Variants in DSG4 observed in about 807,000 individuals in gnomAD.
DSG4 encodes desmoglein 4, also known as desmoglein-4.
DSG4 carries 87 observed loss-of-function variants against 93.1 expected under a neutral mutation model. That is an observed-to-expected ratio of 0.93 (90% confidence interval 0.79 to 1.12). DSG4 has a LOEUF of 1.12. DSG4 is among the 50% of genes most tolerant of loss of function. The probability of loss-of-function intolerance (pLI) is 0.00; values close to 1 mark genes in which losing one functional copy is unlikely to be tolerated. For missense variants in DSG4, 1,373 were observed against 1,285.7 expected (o/e 1.07, Z -1.04); for synonymous variants, 432 against 452.9 (o/e 0.95, Z 0.59).
intron 8 of DSG4, 94 bp downstream of exon 8, chr18:31,392,434 A>G (rs2072260635): frequency 3.0e-6 from 4 of 1,342,726 alleles, no homozygotes; most frequent in Non-Finnish European, 2.1e-6. Flanking sequence ...CTTTAAAAAA[A>G]AGTACTTCAT....
At chr18:31,378,206 A>G (rs1026262103) in intron 1 of DSG4, among the ~76,000 whole-genome samples, 6 of 152,246 alleles carry the variant, frequency 3.9e-5, no homozygotes, top group African/African-American at 1.4e-4. Flanking sequence ...ACTTAAAAAC[A>G]TAAGACGAAG....
At chr18:31,385,511 AT>A (rs1286928251) in intron 2 of DSG4, among the ~76,000 whole-genome samples, 1 of 152,204 alleles carries the variant, frequency 6.6e-6, no homozygotes, top group Non-Finnish European at 1.5e-5. Context: ...CAGAAAGACA[AT>A]TAATGGTTCA....
chr18:31,380,888 A>G (rs1172311627), intron 1 of DSG4, among the ~76,000 whole-genome samples: 1 of 152,178 alleles, frequency 6.6e-6, no homozygotes, highest in Non-Finnish European at 1.5e-5. Flanking sequence ...TTATATGCTT[A>G]GAGTCTACAT....
chr18:31,410,982 A>T, intron 14 of DSG4: 1 of 1,096,036 alleles, frequency 9.1e-7, no homozygotes, highest in Non-Finnish European at 1.3e-6. Context: ...CTTTAAGTCT[A>T]GGGCGAAGTC....
intron 2 of DSG4, among the ~76,000 whole-genome samples, chr18:31,386,272 T>C (rs1415562230): frequency 6.6e-6 from 1 of 152,176 alleles, no homozygotes; most frequent in Non-Finnish European, 1.5e-5. Context: ...ACTTTTATGT[T>C]ATATGGGATG....
rs750686825 is a variant in DSG4, at chr18:31,392,305, C to T, written c.970C>T (p.Pro324Ser). ...GAATTGGTTCGATATTCAAACAGAT[C>T]CACAAACCAATGAAGGCATTTTGAA... ...DGNWFDIQTD[P>S]QTNEGILKVV... Residue 324 changes from proline (P) to serine (S), a missense_variant, in exon 8 of 16, where the codon CCA becomes TCA. Physicochemically the swap from Pro to Ser is moderately conservative, Grantham distance 74 (BLOSUM62 -1). Transcript: ENST00000308128. 1 of 1,613,648 alleles carries T rather than the reference C, an allele frequency of 6.2e-7. No individual in the cohort carries two copies. Among genetic ancestry groups the T allele is most frequent in the Non-Finnish European group, 8.5e-7 (1 of 1,179,800 alleles).
Position 31,403,595 on chromosome 18 carries a change from C to A in DSG4, c.1597C>A (p.Pro533Thr), listed in dbSNP as rs752343319. ...PFTFCVVDEP[P>T]GIADMWDVRS... ...TACTTTCTGTGTTGTTGATGAGCCA[C>A]CAGGAATAGCTGACATGTGGGATGT... The change falls in exon 11 of 16, where the codon CCA (proline) becomes ACA (threonine). Residue 533 changes from proline to threonine, a missense_variant. Coordinates refer to ENST00000308128, the MANE Select transcript of DSG4 (RefSeq NM_177986.5). 6.2e-7 allele frequency: 1 copy of A among 1,613,924 alleles called. No individual in the cohort carries two copies. The highest frequency in any genetic ancestry group is 8.5e-7 in the Non-Finnish European group (1 of 1,179,922).
chr18:31,386,991 G>A (rs553608444), intron 3 of DSG4, among the ~76,000 whole-genome samples, 172 bp downstream of exon 3: 5 of 152,272 alleles, frequency 3.3e-5, no homozygotes, highest in South Asian at 2.1e-4. Flanking sequence ...GGAGGCTGAC[G>A]TGGGGCAGGC....
intron 11 of DSG4, among the ~76,000 whole-genome samples, chr18:31,404,623 C>A (rs1312600793): frequency 1.3e-5 from 2 of 152,004 alleles, no homozygotes; most frequent in African/African-American, 4.8e-5. Flanking sequence ...AATGGAGAAA[C>A]CCTAAAATAA....
In DSG4 at chr18:31,413,230, C is replaced by A; in HGVS notation, c.2758C>A (p.Pro920Thr). 2 of 1,614,122 alleles carry A rather than the reference C, an allele frequency of 1.2e-6. No homozygotes were observed. The highest frequency in any genetic ancestry group is 1.7e-6 in the Non-Finnish European group (2 of 1,180,026). ...CGGTAATGCTGATCCATGTGTGCAA[C>A]CCACTACAATTATTTTTGATCCTCA... The part of the protein sequence containing the change: ...TYGNADPCVQ[P>T]TTIIFDPQLA... Residue 920 changes from proline to threonine, a missense_variant, in exon 16 of 16, where the codon CCC (proline) becomes ACC (threonine). Coordinates refer to ENST00000308128, the MANE Select transcript of DSG4 (RefSeq NM_177986.5).
Position 31,386,766 on chromosome 18 carries a change from G to T in DSG4, c.163G>T (p.Ala55Ser). Residue 55 changes from alanine to serine, a missense_variant, in exon 3 of 16, where the codon GCC (alanine) becomes TCC (serine). By Grantham distance (99) the Ala-to-Ser change is moderately conservative. Coordinates refer to ENST00000308128, the MANE Select transcript of DSG4 (RefSeq NM_177986.5). ...RRQKREWIKFAAACREGEDNS... is the reference protein window; with the variant it reads ...RRQKREWIKFSAACREGEDNS... ...ACAAAAGCGGGAGTGGATCAAGTTT[G>T]CCGCAGCCTGTCGAGAAGGAGAGGA... is the stretch of plus-strand genomic sequence containing the variant. 1.2e-6 allele frequency: 2 copies of T among 1,613,466 alleles called. No individual in the cohort carries two copies. The highest frequency in any genetic ancestry group is 1.7e-6 in the Non-Finnish European group (2 of 1,179,522).
At position 31,403,785 on chromosome 18, in the gene DSG4, A is replaced by G. The variant is rs574307994; in HGVS notation, c.1636+151A>G. ...TAAATGAAAAAAATATTTCATGTAC[A>G]CAGAGGATATTTGATAAAATTTTGA... On this transcript the variant is annotated intron_variant, in intron 11 of 15. Transcript: ENST00000308128. The G allele has an allele frequency of 6.9e-6, 5 of 724,438 alleles. No homozygotes were observed. In the East Asian group the frequency reaches 8.1e-5, roughly 12 times the overall value. The allele number at this position is 724,438 out of a possible 1,614,324, so 44.9% of individuals were successfully genotyped here.
chr18:31,397,181 A>T (rs1348661145), intron 8 of DSG4, among the ~76,000 whole-genome samples: 2 of 152,198 alleles, frequency 1.3e-5, no homozygotes, highest in South Asian at 2.1e-4. Context: ...TCTATACTAC[A>T]ATTTACAGCA....
At chr18:31,405,602 G>A (rs1048451879) in intron 11 of DSG4, among the ~76,000 whole-genome samples, 2 of 151,750 alleles carry the variant, frequency 1.3e-5, no homozygotes. Context: ...AAGTAAAAAA[G>A]GCCAGGCAGA....
intron 3 of DSG4, among the ~76,000 whole-genome samples, chr18:31,387,167 T>C (rs1219854476): frequency 1.3e-5 from 2 of 152,186 alleles, no homozygotes; most frequent in Non-Finnish European, 2.9e-5. Context: ...CCAAGTTTAC[T>C]GCACTAGATG....
At chr18:31,403,753 T>C in intron 11 of DSG4, 119 bp downstream of exon 11, 1 of 924,534 alleles carries the variant, frequency 1.1e-6, no homozygotes, top group Non-Finnish European at 1.7e-6. Context: ...TCTTGCCATA[T>C]TAACATTAAA....
At chr18:31,383,504 T>C (rs1007531152) in intron 1 of DSG4, among the ~76,000 whole-genome samples, 2 of 152,138 alleles carry the variant, frequency 1.3e-5, no homozygotes, top group African/African-American at 4.8e-5. Context: ...AAAACTCTAG[T>C]TTAAAACTAG....
At chr18:31,402,069 A>T (rs192848453) in intron 10 of DSG4, among the ~76,000 whole-genome samples, 1 of 152,346 alleles carries the variant, frequency 6.6e-6, no homozygotes, top group East Asian at 1.9e-4. Context: ...CATATTGGTC[A>T]TATGTGAAAA....
chr18:31,399,610 T>C (rs2072343823), intron 9 of DSG4, 67 bp downstream of exon 9: 2 of 1,600,710 alleles, frequency 1.2e-6, no homozygotes, highest in Non-Finnish European at 1.7e-6. Context: ...CATGCGCTAA[T>C]ATATGTTGGT....
Sources: gnomAD v4.1 joint callset for allele counts (sites outside exome capture counted in the v4.1 genomes callset) on GRCh38, gnomAD v4.1.1 for gene constraint, MANE v1.5 for transcripts, NCBI Gene and HGNC (gene_info 2026-07-23, HGNC 2026-07-21) for gene names.